Variants in ARHGAP15 observed in about 807,000 individuals in gnomAD.
The protein encoded by ARHGAP15 is rho GTPase-activating protein 15.
ARHGAP15 carries 51 observed loss-of-function variants against 63.7 expected under a neutral mutation model. The ratio of observed to expected loss-of-function variants is 0.80; its 90% CI spans 0.64 to 1.01. The LOEUF (loss-of-function observed/expected upper bound fraction) is 1.01, where lower values mean the gene tolerates loss of function less well. ARHGAP15 is among the 50% of genes least tolerant of loss of function. The pLI, the probability that ARHGAP15 is intolerant of heterozygous loss-of-function variation, is 0.00. For synonymous variants in ARHGAP15, 191 were observed against 193.8 expected (o/e 0.99, Z 0.12); for missense variants, 560 against 564.6 (o/e 0.99, Z 0.08).
chr2:143,737,012 T>C (rs1685770629), intron 13 of ARHGAP15, among the ~76,000 whole-genome samples: 1 of 152,260 alleles, frequency 6.6e-6, no homozygotes, highest in South Asian at 2.1e-4. Context: ...TTCATCAGTT[T>C]ACATAATATT....
At chr2:143,588,501 C>T (rs1164427549) in intron 11 of ARHGAP15, among the ~76,000 whole-genome samples, 1 of 152,140 alleles carries the variant, frequency 6.6e-6, no homozygotes, top group Non-Finnish European at 1.5e-5. Flanking sequence ...CCACCCCTAA[C>T]AAGCCCTGGT....
chr2:143,687,214 T>A (rs1285112221), intron 12 of ARHGAP15, among the ~76,000 whole-genome samples: 1 of 150,630 alleles, frequency 6.6e-6, no homozygotes, highest in Non-Finnish European at 1.5e-5. Context: ...GGCTCAGGTA[T>A]GAGAAAAAAT....
intron 6 of ARHGAP15, among the ~76,000 whole-genome samples, chr2:143,310,713 TTC>T (rs1261251150): frequency 6.6e-6 from 1 of 152,020 alleles, no homozygotes; most frequent in Non-Finnish European, 1.5e-5. Flanking sequence ...TTTATTTACT[TTC>T]TGACAGGTTC....
chr2:143,667,820 T>C (rs1682303413), intron 12 of ARHGAP15, among the ~76,000 whole-genome samples: 1 of 151,812 alleles, frequency 6.6e-6, no homozygotes, highest in African/African-American at 2.4e-5. Context: ...TGAAACTCTC[T>C]CTACCAAAAA....
chr2:143,288,076 C>T (rs1219711528), intron 6 of ARHGAP15, among the ~76,000 whole-genome samples: 3 of 152,164 alleles, frequency 2.0e-5, no homozygotes, highest in Non-Finnish European at 4.4e-5. Context: ...AAGCTCTTTG[C>T]ATTTGATGAG....
chr2:143,513,663 G>A (rs1286813425), intron 9 of ARHGAP15, among the ~76,000 whole-genome samples: 1 of 152,136 alleles, frequency 6.6e-6, no homozygotes, highest in Non-Finnish European at 1.5e-5. Flanking sequence ...CCATTCTGCT[G>A]CATTTGAAAT....
chr2:143,287,408 G>T (rs1393983358), intron 6 of ARHGAP15, among the ~76,000 whole-genome samples: 2 of 151,806 alleles, frequency 1.3e-5, no homozygotes, highest in Non-Finnish European at 2.9e-5. Context: ...ACATCAGCCT[G>T]TCACCCTGAA....
intron 6 of ARHGAP15, among the ~76,000 whole-genome samples, chr2:143,418,752 C>A (rs551476464): frequency 1.3e-5 from 2 of 152,058 alleles, no homozygotes; most frequent in Non-Finnish European, 2.9e-5. Context: ...TGCAGGGGCC[C>A]ATTAATATGA....
chr2:143,361,517 A>AG (rs1382586416), intron 6 of ARHGAP15, among the ~76,000 whole-genome samples: 1 of 152,182 alleles, frequency 6.6e-6, no homozygotes, highest in East Asian at 1.9e-4. Context: ...TGGTCACAGA[A>AG]GATTCTGTGT....
intron 11 of ARHGAP15, among the ~76,000 whole-genome samples, chr2:143,575,018 T>G (rs531298474): frequency 6.6e-6 from 1 of 152,244 alleles, no homozygotes; most frequent in Admixed American, 6.6e-5. Flanking sequence ...ACATATTGAG[T>G]TTCACATGTC....
chr2:143,211,377 A>G (rs1692557298), intron 3 of ARHGAP15, among the ~76,000 whole-genome samples: 1 of 151,684 alleles, frequency 6.6e-6, no homozygotes, highest in Non-Finnish European at 1.5e-5. Context: ...TTTAAGAAGG[A>G]AAGTGAAGCA....
At chr2:143,572,385 G>A (rs968550685) in intron 11 of ARHGAP15, among the ~76,000 whole-genome samples, 1 of 151,972 alleles carries the variant, frequency 6.6e-6, no homozygotes, top group African/African-American at 2.4e-5. Context: ...CATACTCTAT[G>A]CACACAGCCA....
At position 143,764,252 on chromosome 2, in the gene ARHGAP15, G is replaced by A. The variant is rs145549297; in HGVS notation, c.1245-3737G>A. Among the ~76,000 whole-genome samples, 218 of 152,152 alleles carry A rather than the reference G, an allele frequency of 1.4e-3. 5 individuals carry two copies. Among genetic ancestry groups the A allele is most frequent in the Admixed American group, 0.013 (202 of 15,268 alleles). On this transcript the variant is annotated intron_variant, in intron 13 of 13. Transcript: ENST00000295095. ...TTTGCATTCGCAGAAATTCATTACA[G>A]GAGTCCCCCACGGTGGCCCAGTGGC...
At chr2:143,311,992 A>G (rs1462477772) in intron 6 of ARHGAP15, among the ~76,000 whole-genome samples, 1 of 152,000 alleles carries the variant, frequency 6.6e-6, no homozygotes, top group Non-Finnish European at 1.5e-5. Flanking sequence ...TACTCCTGCC[A>G]CTGCCATACA....
chr2:143,736,217 G>A (rs547968703), intron 13 of ARHGAP15, among the ~76,000 whole-genome samples: 8 of 152,110 alleles, frequency 5.3e-5, no homozygotes, highest in Non-Finnish European at 1.0e-4. Flanking sequence ...GACCAACATG[G>A]TGAAACCTTG....
chr2:143,145,725 C>T (rs1183334509), intron 1 of ARHGAP15, among the ~76,000 whole-genome samples: 2 of 151,934 alleles, frequency 1.3e-5, no homozygotes, highest in East Asian at 1.9e-4. Context: ...CTGAACCTTT[C>T]GTCACCACGT....
chr2:143,410,440 T>A (rs1688393887), intron 6 of ARHGAP15, among the ~76,000 whole-genome samples: 1 of 152,218 alleles, frequency 6.6e-6, no homozygotes, highest in Non-Finnish European at 1.5e-5. Context: ...CAGCATTTTC[T>A]CATATTTGAG....
At chr2:143,457,436 G>C (rs1358640950) in intron 8 of ARHGAP15, among the ~76,000 whole-genome samples, 1 of 151,878 alleles carries the variant, frequency 6.6e-6, no homozygotes, top group South Asian at 2.1e-4. Flanking sequence ...GTCCCAGGAG[G>C]CTGAGGGAAC....
At chr2:143,602,312 A>G (rs181241016) in intron 11 of ARHGAP15, among the ~76,000 whole-genome samples, 25 of 152,318 alleles carry the variant, frequency 1.6e-4, no homozygotes, top group African/African-American at 1.2e-4. Flanking sequence ...TAAGACATGC[A>G]TTTAGAAGAA....
Sources: allele counts gnomAD v4.1 joint callset (sites outside exome capture counted in the v4.1 genomes callset), GRCh38; gene constraint gnomAD v4.1.1; transcripts MANE v1.5; gene names NCBI Gene and HGNC (gene_info 2026-07-23, HGNC 2026-07-21).